Variants in RTL4 observed in about 807,000 individuals in gnomAD.
RTL4 encodes the protein retrotransposon Gag like 4, also known as retrotransposon Gag-like protein 4.
In RTL4, 4 loss-of-function variants were observed where a neutral mutation model predicts 5.3. The observed-to-expected ratio is 0.75, with a 90% CI of 0.37 to 1.72. The LOEUF (loss-of-function observed/expected upper bound fraction) is 1.72. RTL4 is among the 40% of genes most tolerant of loss of function. The pLI is 0.04. For missense variants in RTL4, 260 were observed against 227.1 expected (o/e 1.14, Z -0.93); for synonymous variants, 98 against 87.3 (o/e 1.12, Z -0.68).
At chrX:112,432,073 T>C in the RTL4 span, among the ~76,000 whole-genome samples, 2 of 106,782 alleles carry the variant, frequency 1.9e-5, no homozygotes, top group East Asian at 6.0e-4. Flanking sequence ...TCATTTTTTA[T>C]GGCTGCATAG....
the RTL4 span, among the ~76,000 whole-genome samples, chrX:112,440,106 C>T: frequency 8.9e-6 from 1 of 111,801 alleles, no homozygotes; most frequent in Non-Finnish European, 1.9e-5. Flanking sequence ...GTGACAAATA[C>T]ATTTGAGGAT....
the RTL4 span, among the ~76,000 whole-genome samples, chrX:112,377,178 A>G: frequency 1.8e-5 from 2 of 111,806 alleles, no homozygotes; most frequent in Non-Finnish European, 3.8e-5. Context: ...AGAGAGAACA[A>G]TGCCCAATAG....
At chrX:112,344,729 T>C in the RTL4 span, among the ~76,000 whole-genome samples, 3 of 111,976 alleles carry the variant, frequency 2.7e-5, no homozygotes, top group African/African-American at 6.5e-5. Flanking sequence ...AATTTCCATT[T>C]TTATATGGTT....
chrX:112,416,557 G>A, the RTL4 span, among the ~76,000 whole-genome samples: 1 of 111,873 alleles, frequency 8.9e-6, no homozygotes, highest in African/African-American at 3.2e-5. Flanking sequence ...TACTTGACCG[G>A]CTTAGCAAAC....
At chrX:112,302,648 A>G in the RTL4 span, among the ~76,000 whole-genome samples, 1 of 112,358 alleles carries the variant, frequency 8.9e-6, no homozygotes, top group Non-Finnish European at 1.9e-5. Context: ...TAACACAGGT[A>G]AATTGCTCAG....
chrX:112,329,313 A>T, the RTL4 span, among the ~76,000 whole-genome samples: 1 of 111,566 alleles, frequency 9.0e-6, no homozygotes, highest in Non-Finnish European at 1.9e-5. Context: ...GCAATAAAAA[A>T]TGATAAAGGG....
At chrX:112,217,726 T>C in the RTL4 span, among the ~76,000 whole-genome samples, 1 of 112,050 alleles carries the variant, frequency 8.9e-6, no homozygotes, top group East Asian at 2.8e-4. Flanking sequence ...ATTGTTCTGC[T>C]TAACATAGAG....
the RTL4 span, among the ~76,000 whole-genome samples, chrX:112,099,979 A>G: frequency 2.7e-5 from 3 of 112,175 alleles, no homozygotes; most frequent in African/African-American, 9.7e-5. Context: ...CTGTGTAGAC[A>G]TTAACCAAAA....
chrX:112,202,426 G>A, the RTL4 span, among the ~76,000 whole-genome samples: 1 of 110,428 alleles, frequency 9.1e-6, no homozygotes, highest in African/African-American at 3.3e-5. Flanking sequence ...AATAAAGCTG[G>A]TATGGAAATC....
At chrX:112,334,913 G>A in the RTL4 span, among the ~76,000 whole-genome samples, 1 of 111,731 alleles carries the variant, frequency 9.0e-6, no homozygotes, top group Non-Finnish European at 1.9e-5. Context: ...TCATAACAAT[G>A]TTGGTTGGAT....
At chrX:112,103,484 G>A in the RTL4 span, among the ~76,000 whole-genome samples, 5 of 110,670 alleles carry the variant, frequency 4.5e-5, no homozygotes, top group East Asian at 2.9e-4. Context: ...GGCTTAATAC[G>A]TAGGTGTTGG....
chrX:112,390,105 TAATATATATATA>T, the RTL4 span, among the ~76,000 whole-genome samples: 1 of 40,538 alleles, frequency 2.5e-5, no homozygotes, highest in African/African-American at 9.8e-5. Flanking sequence ...CATTTATATA[TAATATATATATA>T]TATATATATA....
chrX:112,106,986 T>G, the RTL4 span, among the ~76,000 whole-genome samples: 1 of 112,129 alleles, frequency 8.9e-6, no homozygotes, highest in East Asian at 2.8e-4. Context: ...CTTTGTTGAT[T>G]GATTTCTTTG....
the RTL4 span, among the ~76,000 whole-genome samples, chrX:112,393,147 C>CTTTTTTTTTTTT: frequency 2.5e-5 from 2 of 81,466 alleles, no homozygotes; most frequent in Non-Finnish European, 4.6e-5. Flanking sequence ...TTCTTTCTTT[C>CTTTTTTTTTTTT]TTTTTTTTTT....
At chrX:112,106,969 C>A in the RTL4 span, among the ~76,000 whole-genome samples, 4 of 111,767 alleles carry the variant, frequency 3.6e-5, no homozygotes, top group Non-Finnish European at 7.5e-5. Flanking sequence ...TGCAGGCTGT[C>A]TCCACACTTT....
chrX:112,315,377 A>G, the RTL4 span, among the ~76,000 whole-genome samples: 2 of 111,221 alleles, frequency 1.8e-5, no homozygotes, highest in Non-Finnish European at 1.9e-5. Flanking sequence ...CTCCAGGGGA[A>G]GAACTCATGA....
chrX:112,164,570 G>A, the RTL4 span, among the ~76,000 whole-genome samples: 6 of 112,461 alleles, frequency 5.3e-5, no homozygotes, highest in African/African-American at 1.6e-4. Flanking sequence ...GCCCAGGCAG[G>A]CATGCCACTG....
chrX:112,239,480 C>T, the RTL4 span, among the ~76,000 whole-genome samples: 2 of 111,510 alleles, frequency 1.8e-5, no homozygotes, highest in African/African-American at 6.5e-5. Context: ...TTCTGCTTTT[C>T]GCCTTCCTGG....
At chrX:112,351,392 G>A in the RTL4 span, among the ~76,000 whole-genome samples, 1 of 109,656 alleles carries the variant, frequency 9.1e-6, no homozygotes, top group African/African-American at 3.4e-5. Flanking sequence ...TCCACGTGGT[G>A]CAGAGCTGAG....
Sources: gnomAD v4.1 joint callset for allele counts (sites outside exome capture counted in the v4.1 genomes callset) on GRCh38, gnomAD v4.1.1 for gene constraint, MANE v1.5 for transcripts, NCBI Gene and HGNC (gene_info 2026-07-23, HGNC 2026-07-21) for gene names.